ANKRD11: variants seen among roughly 807,000 people sequenced by gnomAD.
The protein encoded by ANKRD11 is ankyrin repeat domain 11, also known as ankyrin repeat domain-containing protein 11.
Under a neutral mutation model 195.7 loss-of-function variants are expected in ANKRD11, and 17 were observed. The observed-to-expected ratio is 0.09, with a 90% CI of 0.06 to 0.13. The LOEUF (loss-of-function observed/expected upper bound fraction) is 0.13, where lower values mean the gene tolerates loss of function less well. Among genes scored for constraint, ANKRD11 ranks in the 10% least tolerant of loss-of-function variants. The pLI is 1.00. For synonymous variants in ANKRD11, 1,953 were observed against 1,528.1 expected (o/e 1.28, Z -6.49); for missense variants, 3,735 against 3,566.1 (o/e 1.05, Z -1.21).
chr16:89,372,153 A>G (rs376771455), intron 2 of ANKRD11, among the ~76,000 whole-genome samples: 1 of 152,340 alleles, frequency 6.6e-6, no homozygotes, highest in East Asian at 1.9e-4. Flanking sequence ...TGGCCTGGGA[A>G]GAAGGACCGG....
intron 1 of ANKRD11, among the ~76,000 whole-genome samples, chr16:89,479,972 G>C (rs1446861974): frequency 6.7e-6 from 1 of 149,970 alleles, no homozygotes; most frequent in Non-Finnish European, 1.5e-5. Flanking sequence ...CTAGCCGGGC[G>C]TGATGGCACA....
intron 2 of ANKRD11, among the ~76,000 whole-genome samples, chr16:89,415,851 C>CAAAAAAAAAAAAAAAA (rs1567774240): frequency 1.3e-5 from 1 of 77,116 alleles, no homozygotes; most frequent in Non-Finnish European, 2.5e-5. Context: ...AAAAAAAAAA[C>CAAAAAAAAAAAAAAAA]AATGGAGAAC....
chr16:89,468,803 T>C (rs1432966378), intron 1 of ANKRD11, among the ~76,000 whole-genome samples: 2 of 152,280 alleles, frequency 1.3e-5, no homozygotes, highest in Admixed American at 6.5e-5. Context: ...CTGCTGGATG[T>C]TGAAACGTAC....
chr16:89,474,770 T>A (rs2057200635), intron 1 of ANKRD11, among the ~76,000 whole-genome samples: 2 of 152,190 alleles, frequency 1.3e-5, no homozygotes, highest in Non-Finnish European at 2.9e-5. Flanking sequence ...TTTTTATAAT[T>A]AACAAAATGC....
intron 1 of ANKRD11, among the ~76,000 whole-genome samples, chr16:89,462,219 G>A (rs1350293881): frequency 6.6e-6 from 1 of 152,212 alleles, no homozygotes; most frequent in Non-Finnish European, 1.5e-5. Context: ...GCCTGCGATT[G>A]CAGGCTCACG....
chr16:89,351,982 C>G (rs2039241038), intron 2 of ANKRD11, among the ~76,000 whole-genome samples: 1 of 152,200 alleles, frequency 6.6e-6, no homozygotes, highest in South Asian at 2.1e-4. Context: ...GCGATCGTGG[C>G]TCACTGCAAT....
At position 89,280,353 on chromosome 16, in the gene ANKRD11, C is replaced by T. The variant is rs758335433; in HGVS notation, c.6189G>A (p.Glu2063=). 1.4e-5 allele frequency: 22 copies of T among 1,572,926 alleles called. No homozygotes were observed. The highest frequency in any genetic ancestry group is 1.7e-5 in the Non-Finnish European group (20 of 1,159,748). ...GTGACTTGCAGTTGCTGAAGAAGGACTCCAGCCCGGAGGGAGGGGCGTAGG... is the reference window on the plus strand; with the variant it reads ...GTGACTTGCAGTTGCTGAAGAAGGATTCCAGCCCGGAGGGAGGGGCGTAGG... ...AAPYAPPSGL[E]SFFSNCKSLP... is the part of the protein sequence containing the mutation. Residue 2063 remains glutamate, a synonymous_variant, in exon 9 of 13, where the codon GAG becomes GAA. Coordinates refer to ENST00000301030, the MANE Select transcript of ANKRD11 (RefSeq NM_013275.6).
chr16:89,320,224 A>G (rs1411447072), intron 2 of ANKRD11: 1 of 152,178 alleles, frequency 6.6e-6, no homozygotes, highest in African/African-American at 2.4e-5. Context: ...GTGCCTTCTC[A>G]TCACGATGCT....
chr16:89,390,071 G>A (rs566605968), intron 2 of ANKRD11, among the ~76,000 whole-genome samples: 2 of 65,866 alleles, frequency 3.0e-5, no homozygotes, highest in East Asian at 4.1e-4. Context: ...GGCGAACACC[G>A]AGTGTGGCGG....
At chr16:89,462,068 C>G (rs1256451841) in intron 1 of ANKRD11, among the ~76,000 whole-genome samples, 1 of 142,858 alleles carries the variant, frequency 7.0e-6, no homozygotes, top group Non-Finnish European at 1.6e-5. Context: ...CTCCCTCTCT[C>G]CCTCTCCCTC....
rs377264059 is a variant in ANKRD11 at position 89,281,517 on chromosome 16, G to C, written c.5025C>G (p.Asp1675Glu). The change falls in exon 9 of 13, where the codon GAC (aspartate) becomes GAG (glutamate). Residue 1675 changes from aspartate to glutamate, a missense_variant. Asp to Glu is a conservative substitution (Grantham distance 45). Transcript: ENST00000301030. The surrounding 1 kb of genome is among the most constrained non-coding windows in gnomAD (Gnocchi z 5.5). ...GAGGGCCTGCCAGCCAGTCTTTGGA[G>C]TCTGCACCTGATGCTGGGTGTAGCT... Reference protein sequence around the residue: ...ENKLHPASGADSKDWLAGPHM... With the variant: ...ENKLHPASGAESKDWLAGPHM... 3.1e-6 allele frequency: 5 copies of C among 1,614,124 alleles called. No individual in the cohort carries two copies. The African/African-American group carries it at 6.7e-5, about 22-fold the overall frequency.
Position 89,286,448 on chromosome 16 carries a change from T to C in ANKRD11, c.745-262A>G, listed in dbSNP as rs1229769485. 9 of 595,084 alleles carry C rather than the reference T, an allele frequency of 1.5e-5. 1 individual carries two copies. The Admixed American group carries it at 2.9e-4, about 19-fold the overall frequency. The allele number at this position is 595,084 out of a possible 1,614,324, so 36.9% of individuals were successfully genotyped here. ...CTCCTGTGCTCTCCTTCAGAAGGGC[T>C]CTGCCTCCTTTGGATTTTTTTCCAC... On this transcript the variant is annotated intron_variant, in intron 7 of 12. Coordinates refer to ENST00000301030, the MANE Select transcript of ANKRD11 (RefSeq NM_013275.6).
In ANKRD11 at chr16:89,285,145, T is replaced by C; in HGVS notation, c.1397A>G (p.Glu466Gly). The change falls in exon 9 of 13, where the codon GAG (glutamate) becomes GGG (glycine). Residue 466 changes from glutamate to glycine, a missense_variant. Coordinates refer to ENST00000301030, the MANE Select transcript of ANKRD11 (RefSeq NM_013275.6). This position sits in a 1 kb window ranked among gnomAD's most constrained non-coding sequence, Gnocchi z 5.6. Reference protein sequence around the residue: ...KKRKKETKGREVRFGKRSDKF... With the variant: ...KKRKKETKGRGVRFGKRSDKF... The stretch of plus-strand genomic sequence containing the variant: ...GTCGCTCCGCTTTCCGAAGCGAACC[T>C]CTCTGCCTTTTGTTTCTTTCTTTCG... 6.2e-7 allele frequency: 1 copy of C among 1,613,592 alleles called. No homozygotes were observed. Among genetic ancestry groups the C allele is most frequent in the Non-Finnish European group, 8.5e-7 (1 of 1,180,026 alleles).
Position 89,429,173 on chromosome 16 carries a change from A to G in ANKRD11, c.-144-10805T>C, listed in dbSNP as rs1334528278. On this transcript the variant is annotated intron_variant, in intron 1 of 12. Coordinates refer to ENST00000301030, the MANE Select transcript of ANKRD11 (RefSeq NM_013275.6). ...TCAGACGTTCTAGTACACAGCAGGG[A>G]TTCTCAACTCTCACGCTCAGACGTT... 1.8e-4 allele frequency among the ~76,000 whole-genome samples: 25 copies of G among 140,076 alleles called. 1 individual carries two copies. Among genetic ancestry groups the G allele is most frequent in the Admixed American group, 3.7e-4 (5 of 13,694 alleles). The allele number at this position is 140,076 out of a possible 152,430, so 91.9% of individuals were successfully genotyped here. A position where few individuals can be genotyped will look rare whatever the true frequency, so the allele number is the denominator to read the frequency against.
At chr16:89,319,857 C>G (rs2037197390) in intron 2 of ANKRD11, 1 of 152,530 alleles carries the variant, frequency 6.6e-6, no homozygotes, top group Non-Finnish European at 1.5e-5. Context: ...TGCTTTTGTT[C>G]TGTTCCAAGA....
chr16:89,442,064 AAT>A (rs2043532534), intron 1 of ANKRD11, among the ~76,000 whole-genome samples: 1 of 152,252 alleles, frequency 6.6e-6, no homozygotes, highest in South Asian at 2.1e-4. Context: ...TTTAAAAAGT[AAT>A]AAACATGAAT....
chr16:89,399,248 CG>C (rs1288284413), intron 2 of ANKRD11, among the ~76,000 whole-genome samples: 2 of 152,060 alleles, frequency 1.3e-5, no homozygotes, highest in Non-Finnish European at 1.5e-5. Context: ...TTCATTTATC[CG>C]TAAGAGAAGC....
chr16:89,489,202 G>C (rs931560590), intron 1 of ANKRD11: 1 of 142,224 alleles, frequency 7.0e-6, no homozygotes, highest in Admixed American at 7.2e-5. Flanking sequence ...ATGTGGCAGG[G>C]CCAACCCTAC....
chr16:89,479,189 C>G (rs1177562312), intron 1 of ANKRD11, among the ~76,000 whole-genome samples: 3 of 151,882 alleles, frequency 2.0e-5, no homozygotes, highest in African/African-American at 7.3e-5. Flanking sequence ...AGTTAACTGA[C>G]GTCAAGAGAG....
Sources: allele counts gnomAD v4.1 joint callset (sites outside exome capture counted in the v4.1 genomes callset), GRCh38; gene constraint gnomAD v4.1.1; non-coding constraint Gnocchi (gnomAD v3.1); transcripts MANE v1.5; gene names NCBI Gene and HGNC (gene_info 2026-07-23, HGNC 2026-07-21).